Variants in SLC36A1 observed in about 807,000 individuals in gnomAD.
SLC36A1 encodes proton-coupled amino acid transporter 1.
Under a neutral mutation model 47.5 loss-of-function variants are expected in SLC36A1, and 30 were observed. That is an observed-to-expected ratio of 0.63 (90% CI 0.47 to 0.86). SLC36A1 has a LOEUF of 0.86. Ranked by LOEUF, SLC36A1 falls within the 40% of genes least tolerant of loss-of-function variation. The pLI, the probability that SLC36A1 is intolerant of heterozygous loss-of-function variation, is 0.00. For missense variants in SLC36A1, 517 were observed against 606.0 expected, an observed-to-expected ratio of 0.85 and a Z score of 1.54; for synonymous variants, 255 against 249.7, an observed-to-expected ratio of 1.02 and a Z score of -0.20.
chr5:151,505,933 A>G, the SLC36A1 span: 42 of 1,584,702 alleles, frequency 2.7e-5, no homozygotes, highest in Non-Finnish European at 3.4e-5. Flanking sequence ...TCCAGGGGGA[A>G]GGGGAAGCCC....
At chr5:151,465,958 A>G (rs949239655) in intron 5 of SLC36A1, among the ~76,000 whole-genome samples, 29 of 151,444 alleles carry the variant, frequency 1.9e-4, no homozygotes, top group African/African-American at 6.8e-4. Flanking sequence ...AAAAAAAAAA[A>G]GAACCACATT....
At chr5:151,547,785 T>C in the SLC36A1 span, among the ~76,000 whole-genome samples, 2,619 of 152,292 alleles carry the variant, frequency 0.017, 48 homozygotes, top group African/African-American at 0.039. Context: ...GGCACAAAAT[T>C]GTATATTCAT....
At chr5:151,401,400 C>G in the SLC36A1 span, among the ~76,000 whole-genome samples, 1 of 151,994 alleles carries the variant, frequency 6.6e-6, no homozygotes, top group South Asian at 2.1e-4. Context: ...GTTTTTGTAC[C>G]AATACCATGC....
the SLC36A1 span, among the ~76,000 whole-genome samples, chr5:151,415,378 T>G: frequency 6.6e-6 from 1 of 152,106 alleles, no homozygotes; most frequent in African/African-American, 2.4e-5. Context: ...ATTCTTCTCT[T>G]CTACTTCTCC....
At chr5:151,424,076 A>C in the SLC36A1 span, among the ~76,000 whole-genome samples, 2 of 152,254 alleles carry the variant, frequency 1.3e-5, no homozygotes, top group African/African-American at 2.4e-5. Context: ...AAGTCGCCTC[A>C]CATGAATGGG....
chr5:151,393,220 G>T, the SLC36A1 span, among the ~76,000 whole-genome samples: 1 of 151,910 alleles, frequency 6.6e-6, no homozygotes, highest in African/African-American at 2.4e-5. Context: ...GACTAGGATT[G>T]CAACCCCTGC....
At chr5:151,499,103 G>A in the SLC36A1 span, among the ~76,000 whole-genome samples, 1 of 152,242 alleles carries the variant, frequency 6.6e-6, no homozygotes, top group Admixed American at 6.5e-5. Flanking sequence ...TGGTAAGGAG[G>A]TGACATCACT....
At chr5:151,513,964 A>C in the SLC36A1 span, among the ~76,000 whole-genome samples, 1 of 152,174 alleles carries the variant, frequency 6.6e-6, no homozygotes, top group African/African-American at 2.4e-5. Flanking sequence ...TCTGAGAACC[A>C]CTGGGTTAAA....
At chr5:151,478,813 GT>G (rs11303709) in intron 9 of SLC36A1, among the ~76,000 whole-genome samples, 6,570 of 151,158 alleles carry the variant, frequency 0.043, 453 homozygotes, top group African/African-American at 0.15. Flanking sequence ...GTGAGTGTGT[GT>G]TTTTTCCTCC....
chr5:151,551,483 C>A, the SLC36A1 span: 2 of 1,613,980 alleles, frequency 1.2e-6, no homozygotes, highest in Non-Finnish European at 1.7e-6. Context: ...GGCAATGGTG[C>A]GGGACCCATC....
At chr5:151,507,078 C>T in the SLC36A1 span, 2 of 1,332,940 alleles carry the variant, frequency 1.5e-6, no homozygotes, top group Non-Finnish European at 2.1e-6. Flanking sequence ...ATGCCTGTGC[C>T]TCAGATAACG....
At chr5:151,551,236 T>C in the SLC36A1 span, among the ~76,000 whole-genome samples, 1 of 152,222 alleles carries the variant, frequency 6.6e-6, no homozygotes, top group Non-Finnish European at 1.5e-5. Flanking sequence ...ACTCTATCTT[T>C]AATTAAAACT....
upstream of SLC36A1, among the ~76,000 whole-genome samples, chr5:151,434,479 G>T (rs1334155638): frequency 1.3e-5 from 2 of 152,114 alleles, no homozygotes; most frequent in Non-Finnish European, 2.9e-5. Flanking sequence ...AGTGAAGACA[G>T]AATTAGTGAA....
chr5:151,426,829 G>A, the SLC36A1 span, among the ~76,000 whole-genome samples: 1 of 152,218 alleles, frequency 6.6e-6, no homozygotes, highest in Non-Finnish European at 1.5e-5. Context: ...CTTGGGCAGA[G>A]GTCCCTGCGG....
In SLC36A1 at chr5:151,461,891, C is replaced by T. The variant is rs182832362; in HGVS notation, c.144-1662C>T. On this transcript the variant is annotated intron_variant, in intron 2 of 10. Coordinates refer to ENST00000243389, the MANE Select transcript of SLC36A1 (RefSeq NM_078483.4). ...TATGCATGAAGTACTTCTATGAGTA[C>T]CAAAATATGTTACTTGTCTTAAGGC... 3.3e-3 allele frequency among the ~76,000 whole-genome samples: 503 copies of T among 151,552 alleles called. 2 individuals are homozygous for T. Among genetic ancestry groups the T allele is most frequent in the African/African-American group, 0.011 (466 of 41,288 alleles).
chr5:151,406,697 C>T, the SLC36A1 span: 1 of 152,340 alleles, frequency 6.6e-6, no homozygotes, highest in Non-Finnish European at 1.5e-5. Flanking sequence ...TGACCTTCAT[C>T]CTTTGGTGGG....
the SLC36A1 span, among the ~76,000 whole-genome samples, chr5:151,413,247 T>TA: frequency 6.6e-6 from 1 of 151,166 alleles, no homozygotes; most frequent in Non-Finnish European, 1.5e-5. Flanking sequence ...TTTTTCCAAA[T>TA]ATGGATTTTG....
At chr5:151,393,038 A>C in the SLC36A1 span, among the ~76,000 whole-genome samples, 2 of 151,850 alleles carry the variant, frequency 1.3e-5, no homozygotes, top group Non-Finnish European at 2.9e-5. Flanking sequence ...TGGGAGTCTA[A>C]GTCTCTTTGT....
the SLC36A1 span, among the ~76,000 whole-genome samples, chr5:151,394,585 G>A: frequency 6.6e-6 from 1 of 152,198 alleles, no homozygotes; most frequent in African/African-American, 2.4e-5. Flanking sequence ...GTTTTGGTGT[G>A]GCTGTCCTTT....
Sources: gnomAD v4.1 joint callset for allele counts (sites outside exome capture counted in the v4.1 genomes callset) on GRCh38, gnomAD v4.1.1 for gene constraint, MANE v1.5 for transcripts, NCBI Gene and HGNC (gene_info 2026-07-23, HGNC 2026-07-21) for gene names.